The following PHKB variants were observed in gnomAD, a reference collection of about 807,000 sequenced individuals.
PHKB encodes phosphorylase b kinase regulatory subunit beta.
A neutral mutation model predicts 152.1 loss-of-function variants in PHKB; 122 were observed. The ratio of observed to expected loss-of-function variants is 0.80; its 90% confidence interval spans 0.69 to 0.93. The LOEUF (loss-of-function observed/expected upper bound fraction) is 0.93, where lower values mean the gene tolerates loss of function less well. Among genes scored for constraint, PHKB ranks in the 40% least tolerant of loss-of-function variants. The probability of loss-of-function intolerance (pLI) is 0.00; values close to 1 mark genes in which losing one functional copy is unlikely to be tolerated. For synonymous variants in PHKB, 436 were observed against 464.9 expected, an observed-to-expected ratio of 0.94 and a Z score of 0.80; for missense variants, 1,304 against 1,328.4, an observed-to-expected ratio of 0.98 and a Z score of 0.29.
rs1442630158 is a variant in PHKB at position 47,497,489 on chromosome 16, GTGAGTAAAACC to G, written c.166+6_166+16del. 1 of 1,584,386 alleles carries G rather than the reference GTGAGTAAAACC, an allele frequency of 6.3e-7. No homozygotes were observed. The highest frequency in any genetic ancestry group is 1.1e-5 in the South Asian group (1 of 90,514). ...AAGTTGGACCATTATTACAGAATTG[GTGAGTAAAACC>G]TGAGGAAAACGTGTCCTTAGGTATC... On this transcript the variant is annotated splice_donor_variant and splice_donor_5th_base_variant and intron_variant, in intron 2 of 30. Coordinates refer to ENST00000323584, the MANE Select transcript of PHKB (RefSeq NM_000293.3). LOFTEE classifies it high-confidence loss of function.
At chr16:47,609,598 G>A (rs1026109899) in intron 13 of PHKB, among the ~76,000 whole-genome samples, 4 of 151,834 alleles carry the variant, frequency 2.6e-5, no homozygotes, top group Middle Eastern at 3.4e-3. Flanking sequence ...ATCACTTTAT[G>A]TACTTTTTAC....
chr16:47,527,428 TA>T (rs1053375240), intron 6 of PHKB, among the ~76,000 whole-genome samples: 4 of 151,976 alleles, frequency 2.6e-5, no homozygotes, highest in African/African-American at 9.7e-5. Context: ...ACTGACCTCT[TA>T]AAAAATTTAC....
intron 1 of PHKB, among the ~76,000 whole-genome samples, chr16:47,472,787 A>C (rs1408011684): frequency 6.6e-6 from 1 of 151,564 alleles, no homozygotes; most frequent in Non-Finnish European, 1.5e-5. Flanking sequence ...ATCTCAAAAA[A>C]AAAACAAAAA....
chr16:47,574,962 A>G (rs930849267), intron 7 of PHKB, among the ~76,000 whole-genome samples: 2 of 152,212 alleles, frequency 1.3e-5, no homozygotes, highest in African/African-American at 2.4e-5. Flanking sequence ...TTCCAGTACT[A>G]TGTTAGTCAT....
At chr16:47,626,988 A>G (rs767871641) in intron 14 of PHKB, among the ~76,000 whole-genome samples, 9 of 152,156 alleles carry the variant, frequency 5.9e-5, no homozygotes, top group Non-Finnish European at 7.3e-5. Context: ...GGTTTACTGG[A>G]CTTGCTTCTT....
chr16:47,560,083 A>G (rs1476378896), intron 7 of PHKB, among the ~76,000 whole-genome samples: 1 of 152,206 alleles, frequency 6.6e-6, no homozygotes, highest in Non-Finnish European at 1.5e-5. Context: ...GATTAGATTC[A>G]TTAGGATAGT....
intron 6 of PHKB, among the ~76,000 whole-genome samples, chr16:47,542,316 G>A (rs1971074778): frequency 6.6e-6 from 1 of 152,142 alleles, no homozygotes; most frequent in Admixed American, 6.5e-5. Context: ...TTGTAGATGT[G>A]TGGTATTATT....
chr16:47,584,508 G>A (rs1971903422), intron 8 of PHKB, among the ~76,000 whole-genome samples: 1 of 152,136 alleles, frequency 6.6e-6, no homozygotes, highest in Admixed American at 6.6e-5. Context: ...GCATGAGGAC[G>A]AAGAAGCTTG....
intron 26 of PHKB, among the ~76,000 whole-genome samples, chr16:47,681,459 T>G (rs896796302): frequency 6.7e-6 from 1 of 149,474 alleles, no homozygotes; most frequent in Non-Finnish European, 1.5e-5. Flanking sequence ...TGCTTCTATG[T>G]TGGGTGCATA....
chr16:47,579,783 T>A (rs180850874), intron 7 of PHKB, among the ~76,000 whole-genome samples: 1 of 152,268 alleles, frequency 6.6e-6, no homozygotes, highest in East Asian at 1.9e-4. Flanking sequence ...TCAGTTGTTC[T>A]GTGAGCATAA....
intron 1 of PHKB, among the ~76,000 whole-genome samples, chr16:47,485,894 T>C (rs111834730): frequency 3.9e-4 from 59 of 152,192 alleles, no homozygotes; most frequent in African/African-American, 1.3e-3. Flanking sequence ...GTGCTGGGAT[T>C]ATAGGCGTGA....
chr16:47,581,456 G>A (rs554491682), intron 8 of PHKB, among the ~76,000 whole-genome samples: 6 of 152,092 alleles, frequency 3.9e-5, no homozygotes, highest in African/African-American at 1.2e-4. Context: ...TTAAAGAATG[G>A]CATTATATTA....
At chr16:47,689,224 C>T in intron 27 of PHKB, 49 bp downstream of exon 27, 1 of 1,579,546 alleles carries the variant, frequency 6.3e-7, no homozygotes, top group Non-Finnish European at 8.7e-7. Context: ...TTTACAATAA[C>T]ATCATAATTT....
At chr16:47,545,030 G>A (rs1014927698) in intron 6 of PHKB, among the ~76,000 whole-genome samples, 3 of 152,112 alleles carry the variant, frequency 2.0e-5, no homozygotes, top group African/African-American at 7.2e-5. Context: ...ATACTGATGA[G>A]TCTTGACTCT....
chr16:47,679,427 G>C (rs987971306), intron 26 of PHKB, among the ~76,000 whole-genome samples: 1 of 152,130 alleles, frequency 6.6e-6, no homozygotes, highest in African/African-American at 2.4e-5. Context: ...CCATTTGTTT[G>C]TGTCCTCTTT....
chr16:47,606,580 CAT>C (rs1972328534), intron 13 of PHKB, among the ~76,000 whole-genome samples: 1 of 152,176 alleles, frequency 6.6e-6, no homozygotes, highest in Non-Finnish European at 1.5e-5. Context: ...TTAATTTGCA[CAT>C]GTGTGAGCAT....
intron 30 of PHKB, 67 bp from the exon 31 acceptor site, chr16:47,699,162 C>A: frequency 6.8e-7 from 1 of 1,470,752 alleles, no homozygotes; most frequent in Non-Finnish European, 9.5e-7. Context: ...TAAGCTGACA[C>A]AGATTTTACC....
chr16:47,572,870 A>G (rs1309234812), intron 7 of PHKB, among the ~76,000 whole-genome samples: 2 of 152,146 alleles, frequency 1.3e-5, no homozygotes, highest in Non-Finnish European at 2.9e-5. Context: ...GCACCGTGTT[A>G]TGATGTTAGC....
chr16:47,691,314 T>G (rs1343916731), intron 27 of PHKB, among the ~76,000 whole-genome samples: 1 of 152,202 alleles, frequency 6.6e-6, no homozygotes, highest in African/African-American at 2.4e-5. Context: ...ATATTAGTGG[T>G]AAAATTGACA....
Sources: allele counts gnomAD v4.1 joint callset (sites outside exome capture counted in the v4.1 genomes callset), GRCh38; gene constraint gnomAD v4.1.1; transcripts MANE v1.5; gene names NCBI Gene and HGNC (gene_info 2026-07-23, HGNC 2026-07-21).